SIPA1L1: variants seen among roughly 807,000 people sequenced by gnomAD.
The protein encoded by SIPA1L1 is signal-induced proliferation-associated 1-like protein 1.
In SIPA1L1, 26 loss-of-function variants were observed where a neutral mutation model predicts 162.7. The ratio of observed to expected loss-of-function variants is 0.16; its 90% CI spans 0.12 to 0.22. The LOEUF (loss-of-function observed/expected upper bound fraction) is 0.22, where lower values mean the gene tolerates loss of function less well. Among genes scored for constraint, SIPA1L1 ranks in the 10% least tolerant of loss-of-function variants. The pLI is 1.00. For missense variants in SIPA1L1, 1,874 were observed against 2,241.0 expected, an observed-to-expected ratio of 0.84 and a Z score of 3.31; for synonymous variants, 829 against 837.4, an observed-to-expected ratio of 0.99 and a Z score of 0.17.
At chr14:71,727,466 A>C in intron 19 of SIPA1L1, among the ~76,000 whole-genome samples, 1 of 151,416 alleles carries the variant, frequency 6.6e-6, no homozygotes, top group African/African-American at 2.4e-5. Context: ...TCACACATGG[A>C]ACCCCATTAT....
At chr14:71,689,516 T>C (rs1181059450) in intron 13 of SIPA1L1, among the ~76,000 whole-genome samples, 1 of 152,250 alleles carries the variant, frequency 6.6e-6, no homozygotes, top group Non-Finnish European at 1.5e-5. Flanking sequence ...ACTTGATACA[T>C]TACTGTGTTT....
intron 2 of SIPA1L1, among the ~76,000 whole-genome samples, chr14:71,393,845 C>T (rs76314067): frequency 0.022 from 3,295 of 152,250 alleles, 117 homozygotes; most frequent in African/African-American, 0.075. Flanking sequence ...ATAATAGCTT[C>T]GTAGTTCAGG....
chr14:71,468,953 T>C (rs2047235395), intron 2 of SIPA1L1, among the ~76,000 whole-genome samples: 1 of 152,242 alleles, frequency 6.6e-6, no homozygotes, highest in African/African-American at 2.4e-5. Flanking sequence ...CTCCCTTGTT[T>C]TCTTCTGTAG....
At chr14:71,543,028 G>C (rs12880188) in intron 4 of SIPA1L1, among the ~76,000 whole-genome samples, 26,322 of 151,726 alleles carry the variant, frequency 0.17, 2,754 homozygotes, top group Middle Eastern at 0.35. Context: ...TTGTGTCATT[G>C]CACTTACTCC....
intron 20 of SIPA1L1, among the ~76,000 whole-genome samples, chr14:71,733,002 G>A (rs1278924768): frequency 6.6e-6 from 1 of 152,214 alleles, no homozygotes; most frequent in Admixed American, 6.5e-5. Context: ...TACGAGGTCA[G>A]GAGTTCAAGA....
chr14:71,704,956 CGTT>C, intron 15 of SIPA1L1: 1 of 633,338 alleles, frequency 1.6e-6, no homozygotes, highest in Non-Finnish European at 2.8e-6. Flanking sequence ...AACTTTGCTG[CGTT>C]GTTCATGGCC....
At chr14:71,393,917 C>G (rs1204184690) in intron 2 of SIPA1L1, among the ~76,000 whole-genome samples, 3 of 152,170 alleles carry the variant, frequency 2.0e-5, no homozygotes, top group African/African-American at 7.2e-5. Flanking sequence ...TATGCTTAAA[C>G]AGAATTTTTT....
chr14:71,676,389 T>G (rs1033927165), intron 12 of SIPA1L1, among the ~76,000 whole-genome samples: 4 of 151,726 alleles, frequency 2.6e-5, no homozygotes, highest in African/African-American at 9.7e-5. Context: ...GTTTCCAAAC[T>G]ACAATTTTTT....
At chr14:71,703,291 A>T (rs2082217322) in intron 15 of SIPA1L1, among the ~76,000 whole-genome samples, 1 of 152,232 alleles carries the variant, frequency 6.6e-6, no homozygotes, top group Non-Finnish European at 1.5e-5. Flanking sequence ...AAAAAGGTGT[A>T]CATTTCAGGG....
At chr14:71,620,054 T>C (rs986959986) in intron 6 of SIPA1L1, among the ~76,000 whole-genome samples, 7 of 152,192 alleles carry the variant, frequency 4.6e-5, no homozygotes, top group Non-Finnish European at 8.8e-5. Context: ...GCTTCCCAGA[T>C]CCTAACAGTT....
chr14:71,701,515 C>T, intron 14 of SIPA1L1, among the ~76,000 whole-genome samples: 1 of 151,964 alleles, frequency 6.6e-6, no homozygotes, highest in East Asian at 1.9e-4. Flanking sequence ...TGCTCCTGGC[C>T]CCTATTTGGT....
rs554407058 is a variant in SIPA1L1, at chr14:71,735,196, A to G, written c.5009-81A>G. The G allele has an allele frequency of 1.3e-3, 1,214 of 917,480 alleles. 3 individuals are homozygous for G. The highest frequency in any genetic ancestry group is 1.8e-3 in the Non-Finnish European group (1,010 of 552,596). The allele number at this position is 917,480 out of a possible 1,614,324, so 56.8% of individuals were successfully genotyped here. On this transcript the variant is annotated intron_variant, in intron 21 of 23. Coordinates refer to ENST00000381232, the MANE Select transcript of SIPA1L1 (RefSeq NM_001386936.1). ...CTGGAAATACTAGACATGACTGCCAACTAGACCACTTGTTGACTTTGATAG... is the reference window on the plus strand; with the variant it reads ...CTGGAAATACTAGACATGACTGCCAGCTAGACCACTTGTTGACTTTGATAG...
chr14:71,706,717 G>C (rs1003092974), intron 16 of SIPA1L1, among the ~76,000 whole-genome samples: 11 of 152,134 alleles, frequency 7.2e-5, no homozygotes, highest in African/African-American at 2.2e-4. Context: ...ATTTTTTCAA[G>C]GGGAAGAGAT....
chr14:71,328,896 G>A (rs923734501), intron 2 of SIPA1L1, among the ~76,000 whole-genome samples: 2 of 152,072 alleles, frequency 1.3e-5, no homozygotes, highest in African/African-American at 2.4e-5. Context: ...TTCATCTTGC[G>A]AATCTGAAAC....
At chr14:71,380,636 A>C (rs1290547360) in intron 2 of SIPA1L1, among the ~76,000 whole-genome samples, 4 of 152,222 alleles carry the variant, frequency 2.6e-5, no homozygotes, top group Non-Finnish European at 4.4e-5. Flanking sequence ...AGGGTAGAAG[A>C]AATCTAAAAT....
chr14:71,475,625 A>T (rs1255817537), intron 2 of SIPA1L1, among the ~76,000 whole-genome samples: 1 of 152,204 alleles, frequency 6.6e-6, no homozygotes, highest in Non-Finnish European at 1.5e-5. Flanking sequence ...AGAAAGAAAA[A>T]AATTATCCGT....
intron 2 of SIPA1L1, among the ~76,000 whole-genome samples, chr14:71,509,747 A>AC: frequency 6.6e-6 from 1 of 151,330 alleles, no homozygotes; most frequent in Admixed American, 6.6e-5. Flanking sequence ...TCCATCTCAA[A>AC]AAAAAAAAAA....
chr14:71,568,930 T>C (rs934497792), intron 4 of SIPA1L1, among the ~76,000 whole-genome samples: 4 of 152,346 alleles, frequency 2.6e-5, no homozygotes, highest in African/African-American at 9.6e-5. Context: ...ATATTCATAA[T>C]GTTTCTTTCC....
intron 2 of SIPA1L1, among the ~76,000 whole-genome samples, chr14:71,490,255 T>C (rs1314062585): frequency 6.6e-6 from 1 of 152,240 alleles, no homozygotes; most frequent in Non-Finnish European, 1.5e-5. Flanking sequence ...ACAGTGTTAC[T>C]TAAGCATTTA....
Sources: allele counts gnomAD v4.1 joint callset (sites outside exome capture counted in the v4.1 genomes callset), GRCh38; gene constraint gnomAD v4.1.1; transcripts MANE v1.5; gene names NCBI Gene and HGNC (gene_info 2026-07-23, HGNC 2026-07-21).